Variants in PDZD9 observed in about 807,000 individuals in gnomAD.
PDZD9 encodes the protein PDZ domain-containing protein 9.
In PDZD9, 13 loss-of-function variants were observed where a neutral mutation model predicts 16.3. That is an observed-to-expected ratio of 0.80 (90% confidence interval 0.52 to 1.27). The LOEUF is 1.27. PDZD9 is among the 50% of genes most tolerant of loss of function. The pLI, the probability that PDZD9 is intolerant of heterozygous loss-of-function variation, is 0.00. For synonymous variants in PDZD9, 120 were observed against 111.0 expected, an observed-to-expected ratio of 1.08 and a Z score of -0.51; for missense variants, 288 against 310.9, an observed-to-expected ratio of 0.93 and a Z score of 0.55.
chr16:21,976,819 T>C, the PDZD9 span: 1 of 152,184 alleles, frequency 6.6e-6, no homozygotes, highest in Non-Finnish European at 1.5e-5. Flanking sequence ...AAGACAAAAA[T>C]GATCTCTGAT....
At chr16:21,981,496 G>A (rs917596288), downstream of PDZD9, among the ~76,000 whole-genome samples, 9 of 152,144 alleles carry the variant, frequency 5.9e-5, no homozygotes, top group Non-Finnish European at 1.2e-4. Context: ...GCTCATTCCT[G>A]TAATCCCAGC....
chr16:21,965,316 A>T, the PDZD9 span: 1 of 1,261,440 alleles, frequency 7.9e-7, no homozygotes, highest in Admixed American at 1.9e-5. Context: ...GAAGATGACC[A>T]AATTTGTATA....
At chr16:21,994,776 A>AACAGGTG in intron 2 of PDZD9, among the ~76,000 whole-genome samples, 1 of 152,178 alleles carries the variant, frequency 6.6e-6, no homozygotes, top group Non-Finnish European at 1.5e-5. Context: ...ACTTAGGAGA[A>AACAGGTG]ACAGGTGACC....
chr16:21,972,495 C>A, the PDZD9 span, among the ~76,000 whole-genome samples: 2 of 152,142 alleles, frequency 1.3e-5, no homozygotes, highest in Admixed American at 1.3e-4. Flanking sequence ...CTGAATCTCA[C>A]TATTTGTTTT....
chr16:21,970,306 T>C, the PDZD9 span, among the ~76,000 whole-genome samples: 7 of 152,210 alleles, frequency 4.6e-5, no homozygotes, highest in African/African-American at 1.7e-4. Flanking sequence ...TTTGGTTATG[T>C]CTAAGAACAG....
At chr16:21,995,958 A>C (rs917276464) in intron 2 of PDZD9, among the ~76,000 whole-genome samples, 3 of 151,968 alleles carry the variant, frequency 2.0e-5, no homozygotes, top group African/African-American at 7.3e-5. Context: ...CGCCTGGCTA[A>C]TTTTTGTATT....
At position 21,984,571 on chromosome 16, in the gene PDZD9, T is replaced by C. The variant is rs768809258; in HGVS notation, c.491A>G (p.Tyr164Cys). The C allele has an allele frequency of 2.5e-5, 39 of 1,572,988 alleles. 1 individual carries two copies. Among genetic ancestry groups the C allele is most frequent in the Admixed American group, 1.8e-4 (10 of 55,754 alleles). The change falls in exon 4 of 4, where the codon TAT (tyrosine) becomes TGT (cysteine). Residue 164 changes from tyrosine to cysteine, a missense_variant. By Grantham distance (194) the Tyr-to-Cys change is radical. Transcript: ENST00000424898. The stretch of plus-strand genomic sequence containing the variant: ...CACAGTTGACCACGGATATCTATAA[T>C]ATTGAAGTCTTTTATCTAAATCTAC... ...ENVDLDKRLQ[Y>C]YRYPWSTVHH...
chr16:21,978,498 G>A, the PDZD9 span, among the ~76,000 whole-genome samples: 1 of 152,132 alleles, frequency 6.6e-6, no homozygotes, highest in Admixed American at 6.5e-5. Context: ...TTGCTTACAA[G>A]ACCTGTACTG....
chr16:21,970,772 G>A, the PDZD9 span, among the ~76,000 whole-genome samples: 1 of 152,086 alleles, frequency 6.6e-6, no homozygotes, highest in Non-Finnish European at 1.5e-5. Context: ...TTTTAATAGA[G>A]ATGGGGTTTC....
At chr16:21,999,910 G>A (rs566213047) in intron 1 of PDZD9, among the ~76,000 whole-genome samples, 12 of 152,164 alleles carry the variant, frequency 7.9e-5, no homozygotes, top group Non-Finnish European at 1.6e-4. Flanking sequence ...GGTGGTTCAC[G>A]CCTGTAATCC....
rs561676016 is a variant in PDZD9, at chr16:21,986,821, C to T, written c.401+1781G>A. 5.3e-5 allele frequency among the ~76,000 whole-genome samples: 8 copies of T among 152,260 alleles called. No individual in the cohort carries two copies. The South Asian group carries it at 1.7e-3, about 32-fold the overall frequency. On this transcript the variant is annotated intron_variant, in intron 3 of 3. Coordinates refer to ENST00000424898, the MANE Select transcript of PDZD9 (RefSeq NM_001363519.1). Reference sequence around the variant, plus strand: ...GGTGGACCTGTTTCTAGGAAGACCCCTTGGAGAAGTTACACTGGAGCCTTC... The same window carrying T: ...GGTGGACCTGTTTCTAGGAAGACCCTTTGGAGAAGTTACACTGGAGCCTTC...
At chr16:21,980,441 C>A, downstream of PDZD9, 1 of 1,199,586 alleles carries the variant, frequency 8.3e-7, no homozygotes, top group Non-Finnish European at 1.2e-6. Context: ...CGCTGTTACT[C>A]TATCCATTAA....
At chr16:21,963,512 A>T in the PDZD9 span, among the ~76,000 whole-genome samples, 1 of 152,010 alleles carries the variant, frequency 6.6e-6, no homozygotes. Flanking sequence ...CTTGTTGCCC[A>T]GGCTGGAGTG....
At chr16:21,980,472 G>GC (rs1003991100), downstream of PDZD9, 42 of 1,512,420 alleles carry the variant, frequency 2.8e-5, no homozygotes, top group South Asian at 6.2e-5. Context: ...GATGTTCACA[G>GC]CCCCCCGCCA....
At chr16:21,976,495 C>G in the PDZD9 span, 1 of 371,572 alleles carries the variant, frequency 2.7e-6, no homozygotes, top group East Asian at 5.0e-5. Flanking sequence ...AGTTTGAGAC[C>G]AGCTTGGGCA....
chr16:21,957,696 G>GT, the PDZD9 span: 2 of 1,355,192 alleles, frequency 1.5e-6, no homozygotes, highest in South Asian at 2.8e-5. Flanking sequence ...CACGGACTGG[G>GT]TAGCTTAAAC....
chr16:21,972,186 C>A, the PDZD9 span: 3 of 1,515,926 alleles, frequency 2.0e-6, no homozygotes. Flanking sequence ...AGATATAATT[C>A]TGATAATCTA....
downstream of PDZD9, chr16:21,982,963 CAAAAAAAAAAA>C (rs1036084484): frequency 6.0e-5 from 32 of 537,746 alleles, 1 homozygote; most frequent in Admixed American, 3.9e-4. Context: ...GACTCCACCT[CAAAAAAAAAAA>C]AAAAAAAAAG....
downstream of PDZD9, among the ~76,000 whole-genome samples, chr16:21,982,509 AG>A (rs1898757687): frequency 6.6e-6 from 1 of 152,188 alleles, no homozygotes; most frequent in African/African-American, 2.4e-5. Flanking sequence ...CTCTTTGAAC[AG>A]CTACCCTCTT....
Sources: allele counts gnomAD v4.1 joint callset (sites outside exome capture counted in the v4.1 genomes callset), GRCh38; gene constraint gnomAD v4.1.1; transcripts MANE v1.5; gene names NCBI Gene and HGNC (gene_info 2026-07-23, HGNC 2026-07-21).